Variants in MAST2 observed in about 807,000 individuals in gnomAD.
MAST2 encodes microtubule-associated serine/threonine-protein kinase 2.
Under a neutral mutation model 147.4 loss-of-function variants are expected in MAST2, and 70 were observed. The observed-to-expected ratio is 0.47, with a 90% CI of 0.39 to 0.58. The LOEUF (loss-of-function observed/expected upper bound fraction) is 0.58. Among genes scored for constraint, MAST2 ranks in the 20% least tolerant of loss-of-function variants. The pLI is 0.00. For synonymous variants in MAST2, 869 were observed against 896.8 expected, an observed-to-expected ratio of 0.97 and a Z score of 0.55; for missense variants, 2,080 against 2,302.3, an observed-to-expected ratio of 0.90 and a Z score of 1.98.
rs1160290890 is a variant in MAST2 at position 46,034,612 on chromosome 1, C to T, written c.3943C>T (p.Arg1315Trp). 5.6e-6 allele frequency: 9 copies of T among 1,614,002 alleles called. No homozygotes were observed. The highest frequency in any genetic ancestry group is 1.7e-5 in the Admixed American group (1 of 60,004). The change falls in exon 29 of 29, where the codon CGG becomes TGG. Residue 1315 changes from arginine to tryptophan, a missense_variant. Physicochemically the swap from Arg to Trp is moderately radical, Grantham distance 101. Around this residue, in one of 4 missense-constraint regions of MAST2, gnomAD observed 1,278 missense variants for 1,304.2 expected, o/e 0.98. Coordinates refer to ENST00000361297, the MANE Select transcript of MAST2 (RefSeq NM_015112.3). The stretch of plus-strand genomic sequence containing the variant: ...TTCCCCAGCCGGCTCTGGGCACACA[C>T]GGCCCAGCTCCCTCCACGGTCTGGC... ...PSSPAGSGHT[R>W]PSSLHGLAPK...
At chr1:45,977,595 C>G (rs1033698063) in intron 5 of MAST2, among the ~76,000 whole-genome samples, 4 of 151,942 alleles carry the variant, frequency 2.6e-5, no homozygotes, top group African/African-American at 9.7e-5. Context: ...GTCAAGAGAT[C>G]GAGACCATCC....
At chr1:45,813,439 C>T (rs563141893) in intron 1 of MAST2, among the ~76,000 whole-genome samples, 2 of 151,554 alleles carry the variant, frequency 1.3e-5, no homozygotes, top group East Asian at 3.9e-4. Context: ...AAGCAATTCT[C>T]CTGCCTCAGC....
intron 1 of MAST2, among the ~76,000 whole-genome samples, chr1:45,819,455 C>T (rs569874471): frequency 6.6e-6 from 1 of 152,130 alleles, no homozygotes; most frequent in East Asian, 1.9e-4. Flanking sequence ...TTATATTTGG[C>T]AAAAGCTTAA....
At chr1:45,894,854 TATC>T (rs945242058) in intron 4 of MAST2, among the ~76,000 whole-genome samples, 6 of 152,338 alleles carry the variant, frequency 3.9e-5, no homozygotes, top group African/African-American at 7.2e-5. Context: ...TTTTTAGTGT[TATC>T]ATCAAATGAA....
chr1:46,033,958 G>A lies in MAST2; in HGVS notation c.3674+20G>A. The stretch of plus-strand genomic sequence containing the variant: ...AGAAAGGTGAGCCAGGCGCAGTGAA[G>A]AGGGTTTTCTCTGAGCCACATGAGT... On this transcript the variant is annotated intron_variant, in intron 27 of 28. Transcript: ENST00000361297. 2 of 1,613,710 alleles carry A rather than the reference G, an allele frequency of 1.2e-6. No individual in the cohort carries two copies. The highest frequency in any genetic ancestry group is 2.2e-5 in the South Asian group (2 of 91,050).
At chr1:45,944,799 A>C (rs1264910297) in intron 4 of MAST2, among the ~76,000 whole-genome samples, 1 of 152,102 alleles carries the variant, frequency 6.6e-6, no homozygotes, top group Non-Finnish European at 1.5e-5. Context: ...AATTCCTCAG[A>C]TCTTCTGCCT....
chr1:45,997,846 G>C, intron 6 of MAST2, 47 bp downstream of exon 6: 1 of 1,460,696 alleles, frequency 6.8e-7, no homozygotes, highest in Non-Finnish European at 9.6e-7. Context: ...TGTGGCACTT[G>C]CATGAGGGTT....
At chr1:45,910,223 G>A (rs775936670) in intron 4 of MAST2, among the ~76,000 whole-genome samples, 1 of 150,506 alleles carries the variant, frequency 6.6e-6, no homozygotes, top group Non-Finnish European at 1.5e-5. Context: ...GGATCACAAC[G>A]TACTCATTTT....
In MAST2 at chr1:46,010,773, C is replaced by T. The variant is rs555849619; in HGVS notation, c.1022C>T (p.Ser341Phe). 76 of 1,614,082 alleles carry T rather than the reference C, an allele frequency of 4.7e-5. 1 individual carries two copies. The South Asian group carries it at 8.0e-4, about 17-fold the overall frequency. The change falls in exon 10 of 29, where the codon TCC becomes TTC. Residue 341 changes from serine (S) to phenylalanine (F), a missense_variant. Coordinates refer to ENST00000361297, the MANE Select transcript of MAST2 (RefSeq NM_015112.3). ...MEERLAEFISSNTPDSVLPLA... is the reference protein window; with the variant it reads ...MEERLAEFISFNTPDSVLPLA... ...GAGCGACTAGCAGAGTTTATTTCCT[C>T]CAACACTCCAGACAGCGTGCTGCCC...
chr1:45,986,716 CAAA>C (rs201589013), intron 5 of MAST2, among the ~76,000 whole-genome samples: 3 of 120,238 alleles, frequency 2.5e-5, no homozygotes, highest in African/African-American at 3.2e-5. Flanking sequence ...GACTCCGTCT[CAAA>C]AAAAAAAAAA....
chr1:45,913,807 G>A, intron 4 of MAST2: 1 of 1,181,058 alleles, frequency 8.5e-7, no homozygotes, highest in Non-Finnish European at 1.1e-6. Context: ...CAGTGTGAGG[G>A]CAAAACTTGA....
chr1:45,854,164 C>T (rs141286824), intron 3 of MAST2, among the ~76,000 whole-genome samples: 107 of 152,090 alleles, frequency 7.0e-4, no homozygotes, highest in African/African-American at 2.2e-3. Flanking sequence ...CATGGCAAAA[C>T]CCTATCTACT....
chr1:45,930,256 T>G (rs1303076560), intron 4 of MAST2, among the ~76,000 whole-genome samples: 1 of 152,156 alleles, frequency 6.6e-6, no homozygotes, highest in Non-Finnish European at 1.5e-5. Flanking sequence ...TTTTTTTGTA[T>G]TTTTAGTAGA....
At chr1:46,026,868 A>T (rs1646435623) in intron 16 of MAST2, among the ~76,000 whole-genome samples, 1 of 152,150 alleles carries the variant, frequency 6.6e-6, no homozygotes, top group Non-Finnish European at 1.5e-5. Flanking sequence ...TCTGAGTTTG[A>T]GTCTACTAAT....
chr1:45,901,667 G>A (rs1264787320), intron 4 of MAST2, among the ~76,000 whole-genome samples: 3 of 152,120 alleles, frequency 2.0e-5, no homozygotes, highest in African/African-American at 7.2e-5. Flanking sequence ...TTTCATCAGT[G>A]TTCTTTAGCT....
At chr1:45,997,932 C>A in intron 6 of MAST2, 133 bp downstream of exon 6, 1 of 784,264 alleles carries the variant, frequency 1.3e-6, no homozygotes, top group Non-Finnish European at 2.1e-6. Context: ...TCCATCAAAA[C>A]TCTGTCTTTG....
chr1:45,838,195 A>G (rs1430482758), intron 3 of MAST2, among the ~76,000 whole-genome samples: 3 of 130,482 alleles, frequency 2.3e-5, no homozygotes, highest in Non-Finnish European at 5.0e-5. Flanking sequence ...TTATGTGCTT[A>G]TTTGCCAATT....
chr1:46,007,809 C>T (rs1441413392), intron 8 of MAST2, among the ~76,000 whole-genome samples: 2 of 152,226 alleles, frequency 1.3e-5, no homozygotes, highest in African/African-American at 4.8e-5. Context: ...TCACAACAGT[C>T]TGGACTGGCC....
rs750348604 is a variant in MAST2 at position 46,030,169 on chromosome 1, G to C, written c.2484G>C (p.Glu828Asp). The C allele has an allele frequency of 5.0e-6, 8 of 1,614,270 alleles. No homozygotes were observed. In the South Asian group the frequency reaches 7.7e-5, roughly 16 times the overall value. Reference protein sequence around the residue: ...ERYHHMDSEDEEEVSEDGCLE... With the variant: ...ERYHHMDSEDDEEVSEDGCLE... ...ACCACCACATGGACTCGGAGGATGA[G>C]GAAGAAGTGAGTGAGGATGGCTGCC... Residue 828 changes from glutamate to aspartate, a missense_variant, in exon 21 of 29, where the codon GAG (glutamate) becomes GAC (aspartate). This residue lies in a region of MAST2 where 1,278 missense variants were observed against 1,304.2 expected (regional missense o/e 0.98). Transcript: ENST00000361297.
Sources: gnomAD v4.1 joint callset for allele counts (sites outside exome capture counted in the v4.1 genomes callset) on GRCh38, gnomAD v4.1.1 for gene constraint, gnomAD v4.1.1 regional missense constraint, MANE v1.5 for transcripts, NCBI Gene and HGNC (gene_info 2026-07-23, HGNC 2026-07-21) for gene names.